PHF11: variants seen among roughly 807,000 people sequenced by gnomAD.
PHF11 encodes the protein PHD finger protein 11, also known as BRCA1 C-terminus-associated protein.
In PHF11, 38 loss-of-function variants were observed where a neutral mutation model predicts 40.5. That is an observed-to-expected ratio of 0.94 (90% CI 0.72 to 1.23). PHF11 has a LOEUF of 1.23. Ranked by LOEUF, PHF11 falls within the 50% of genes most tolerant of loss-of-function variation. PHF11 has a pLI of 0.00. For missense variants in PHF11, 369 were observed against 392.4 expected (o/e 0.94, Z 0.50); for synonymous variants, 127 against 138.2 (o/e 0.92, Z 0.57).
At chr13:49,520,982 TA>T in intron 5 of PHF11, 42 bp downstream of exon 5, 1 of 1,524,784 alleles carries the variant, frequency 6.6e-7, no homozygotes, top group Non-Finnish European at 8.9e-7. Context: ...TAAAGAAAGG[TA>T]AACATTTATG....
intron 2 of PHF11, among the ~76,000 whole-genome samples, chr13:49,510,904 T>C (rs1296434411): frequency 6.6e-6 from 1 of 152,228 alleles, no homozygotes; most frequent in Non-Finnish European, 1.5e-5. Context: ...TTTTGAGACA[T>C]GTTGAGACCC....
chr13:49,506,854 G>C, intron 2 of PHF11, 98 bp downstream of exon 2: 1 of 568,844 alleles, frequency 1.8e-6, no homozygotes, highest in Non-Finnish European at 2.7e-6. Flanking sequence ...AGAATAACAA[G>C]TTGGCCATGG....
At chr13:49,506,904 T>C (rs968063645) in intron 2 of PHF11, 148 bp downstream of exon 2, 6 of 493,934 alleles carry the variant, frequency 1.2e-5, no homozygotes, top group Non-Finnish European at 2.0e-5. Context: ...ATTTCTTTTT[T>C]TTTTTTTTTT....
At chr13:49,522,508 AT>A in intron 6 of PHF11, among the ~76,000 whole-genome samples, 1 of 152,136 alleles carries the variant, frequency 6.6e-6, no homozygotes, top group Non-Finnish European at 1.5e-5. Context: ...GGAGCCAAGT[AT>A]TTCCCAGCTG....
rs761786265 is a variant in PHF11, at chr13:49,506,677, C to T, written c.137C>T (p.Ala46Val). The change falls in exon 2 of 10, where the codon GCA (alanine) becomes GTA (valine). Residue 46 changes from alanine (A) to valine (V), a missense_variant. By Grantham distance (64) the Ala-to-Val change is moderately conservative. Coordinates refer to ENST00000378319, the MANE Select transcript of PHF11 (RefSeq NM_001040443.3). ...GAAAAGATGGAAAAAAGGACATGTG[C>T]ACTCTGCCCCAAAGATGTCGAATAT... ...VAEKMEKRTCALCPKDVEYNV... is the reference protein window; with the variant it reads ...VAEKMEKRTCVLCPKDVEYNV... 14 of 1,609,164 alleles carry T rather than the reference C, an allele frequency of 8.7e-6. No homozygotes were observed. The South Asian group carries it at 1.4e-4, about 16-fold the overall frequency.
At chr13:49,512,654 C>T (rs1417178986) in intron 2 of PHF11, among the ~76,000 whole-genome samples, 1 of 152,180 alleles carries the variant, frequency 6.6e-6, no homozygotes, top group Non-Finnish European at 1.5e-5. Flanking sequence ...TAAGAAACAG[C>T]TAGAAAGCCA....
chr13:49,500,266 C>G (rs964342537), intron 1 of PHF11, among the ~76,000 whole-genome samples: 38 of 152,212 alleles, frequency 2.5e-4, no homozygotes, highest in African/African-American at 8.9e-4. Context: ...GCCCTGCTGA[C>G]TATTCTTGGT....
chr13:49,523,032 A>C, intron 6 of PHF11, 143 bp from the exon 7 acceptor site: 1 of 675,854 alleles, frequency 1.5e-6, no homozygotes, highest in South Asian at 1.6e-5. Context: ...CAAAGTGCTG[A>C]GATTACAGGC....
chr13:49,504,421 A>G (rs1301656807), intron 1 of PHF11, among the ~76,000 whole-genome samples: 1 of 151,820 alleles, frequency 6.6e-6, no homozygotes, highest in Non-Finnish European at 1.5e-5. Context: ...GCGCCACTGC[A>G]CTCCAACCTG....
At chr13:49,506,841 C>A in intron 2 of PHF11, 85 bp downstream of exon 2, 40 of 657,778 alleles carry the variant, frequency 6.1e-5, no homozygotes, top group South Asian at 1.7e-4. Flanking sequence ...ACTTTGGACA[C>A]AAAGAATAAC....
In PHF11 at chr13:49,506,861, A is replaced by C. The variant is rs549050252; in HGVS notation, c.216+105A>C. ...GGACACAAAGAATAACAAGTTGGCC[A>C]TGGTTTGAGCTTTTAGGTGAAGATT... On this transcript the variant is annotated intron_variant, in intron 2 of 9. Transcript: ENST00000378319. 6.0e-5 allele frequency: 33 copies of C among 547,994 alleles called. No homozygotes were observed. The South Asian group carries it at 9.1e-4, about 15-fold the overall frequency. 33.9% of individuals were successfully genotyped at this position (547,994 alleles called of 1,614,324 possible). A position where few individuals can be genotyped will look rare whatever the true frequency, so the allele number is the denominator to read the frequency against.
intron 1 of PHF11, among the ~76,000 whole-genome samples, chr13:49,504,017 C>A: frequency 6.6e-6 from 1 of 152,206 alleles, no homozygotes; most frequent in South Asian, 2.1e-4. Flanking sequence ...AGCCACTAGG[C>A]CCAGCCTCCT....
chr13:49,510,665 C>T (rs1959070848), intron 2 of PHF11, among the ~76,000 whole-genome samples: 2 of 151,976 alleles, frequency 1.3e-5, no homozygotes. Context: ...AAATGGGGGT[C>T]CCACTATGTT....
rs200240376 is a variant in PHF11 at position 49,520,941 on chromosome 13, G to C, written c.505+1G>C. On this transcript the variant is annotated splice_donor_variant, in intron 5 of 9. Coordinates refer to ENST00000378319, the MANE Select transcript of PHF11 (RefSeq NM_001040443.3). LOFTEE classifies it high-confidence loss of function. The stretch of plus-strand genomic sequence containing the variant: ...CAATTCCCGATCATCGCTCAAAGTG[G>C]TAAGTTTCTAAAATTTAGCACTGTG... 2 of 1,575,318 alleles carry C rather than the reference G, an allele frequency of 1.3e-6. No homozygotes were observed. Among genetic ancestry groups the C allele is most frequent in the Non-Finnish European group, 1.7e-6 (2 of 1,150,794 alleles).
chr13:49,522,791 G>GTC (rs1424030901), intron 6 of PHF11, among the ~76,000 whole-genome samples: 1 of 127,138 alleles, frequency 7.9e-6, no homozygotes, highest in Non-Finnish European at 1.6e-5. Flanking sequence ...TTGAGACAGA[G>GTC]TCTCTCTCTG....
At chr13:49,508,391 A>G (rs1385324266) in intron 2 of PHF11, among the ~76,000 whole-genome samples, 1 of 147,574 alleles carries the variant, frequency 6.8e-6, no homozygotes, top group Non-Finnish European at 1.5e-5. Flanking sequence ...TATATATTAT[A>G]ATATATGAAT....
intron 9 of PHF11, among the ~76,000 whole-genome samples, chr13:49,527,766 T>A (rs1443185726): frequency 6.6e-6 from 1 of 152,204 alleles, no homozygotes; most frequent in Admixed American, 6.5e-5. Context: ...AGTACATATA[T>A]TATAGTGTAG....
At chr13:49,526,566 T>C in intron 9 of PHF11, 108 bp downstream of exon 9, 3 of 736,624 alleles carry the variant, frequency 4.1e-6, no homozygotes, top group East Asian at 2.7e-5. Flanking sequence ...AGAATGTTCA[T>C]TGTTTTCTTA....
chr13:49,505,619 T>G (rs777377427), intron 1 of PHF11, among the ~76,000 whole-genome samples: 2 of 152,196 alleles, frequency 1.3e-5, no homozygotes, highest in Non-Finnish European at 2.9e-5. Flanking sequence ...CAAAAAAATC[T>G]TAAACGAATT....
Sources: gnomAD v4.1 joint callset for allele counts (sites outside exome capture counted in the v4.1 genomes callset) on GRCh38, gnomAD v4.1.1 for gene constraint, MANE v1.5 for transcripts, NCBI Gene and HGNC (gene_info 2026-07-23, HGNC 2026-07-21) for gene names.